The following DNAI3 variants were observed in gnomAD, a reference collection of about 807,000 sequenced individuals.
DNAI3 encodes the protein WD repeat domain 63.
DNAI3 carries 83 observed loss-of-function variants against 115.5 expected under a neutral mutation model. The observed-to-expected ratio is 0.72, with a 90% CI of 0.60 to 0.86. DNAI3 has a LOEUF of 0.86. Ranked by LOEUF, DNAI3 falls within the 40% of genes least tolerant of loss-of-function variation. DNAI3 has a pLI of 0.00. For missense variants in DNAI3, 1,004 were observed against 1,075.8 expected (o/e 0.93, Z 0.93); for synonymous variants, 320 against 347.0 (o/e 0.92, Z 0.86).
At position 85,125,525 on chromosome 1, in the gene DNAI3, T is replaced by C. The variant is rs74789076; in HGVS notation, c.2113-986T>C. Among the ~76,000 whole-genome samples the C allele has an allele frequency of 2.5e-3, 319 of 127,448 alleles. 2 individuals are homozygous for C. In the East Asian group the frequency reaches 0.042, roughly 17 times the overall value. 83.6% of individuals were successfully genotyped at this position (127,448 alleles called of 152,430 possible). A position where few individuals can be genotyped will look rare whatever the true frequency, so the allele number is the denominator to read the frequency against. ...ACTCTGCTTTATGCCAATGTACTTC[T>C]GTATGTTTGATTTTTTTTTTTTTTA... On this transcript the variant is annotated intron_variant, in intron 19 of 22. Transcript: ENST00000294664.
chr1:85,094,701 T>C, intron 10 of DNAI3, 146 bp downstream of exon 10: 1 of 1,001,772 alleles, frequency 1.0e-6, no homozygotes, highest in Non-Finnish European at 1.4e-6. Context: ...GCAGAACTTG[T>C]CATCATTCAA....
intron 12 of DNAI3, 54 bp downstream of exon 12, chr1:85,097,709 G>T (rs1357770390): frequency 1.4e-6 from 2 of 1,480,480 alleles, no homozygotes; most frequent in Non-Finnish European, 9.2e-7. Context: ...AGAGTTTATG[G>T]AAAAGTACAT....
At position 85,104,613 on chromosome 1, in the gene DNAI3, A is replaced by G; in HGVS notation, c.1553+16A>G. The G allele has an allele frequency of 6.2e-7, 1 of 1,610,418 alleles. No individual in the cohort carries two copies. The highest frequency in any genetic ancestry group is 8.5e-7 in the Non-Finnish European group (1 of 1,177,182). The stretch of plus-strand genomic sequence containing the variant: ...CAGCAGATTGGTAAGTCTTGTTTCA[A>G]ACATTTCCTAATGTGTTTTCATACA... On this transcript the variant is annotated intron_variant, in intron 14 of 22. Transcript: ENST00000294664.
At chr1:85,081,958 A>G (rs1654646671) in intron 4 of DNAI3, among the ~76,000 whole-genome samples, 1 of 152,234 alleles carries the variant, frequency 6.6e-6, no homozygotes, top group Non-Finnish European at 1.5e-5. Context: ...AGTTTTAACT[A>G]GAATATGAAT....
In DNAI3 at chr1:85,082,381, G is replaced by T. The variant is rs1654658925; in HGVS notation, c.367G>T (p.Glu123Ter). 6.2e-7 allele frequency: 1 copy of T among 1,613,390 alleles called. No individual in the cohort carries two copies. Among genetic ancestry groups the T allele is most frequent in the African/African-American group, 1.3e-5 (1 of 74,886 alleles). Residue 123 changes from glutamate to a stop codon, truncating the protein, a stop_gained, in exon 5 of 23, where the codon GAG becomes TAG. Coordinates refer to ENST00000294664, the MANE Select transcript of DNAI3 (RefSeq NM_145172.5). LOFTEE classifies it high-confidence loss of function. The part of the protein sequence containing the change: ...GLNFYLIATE[E>*]GKENYLNPPE... The stretch of plus-strand genomic sequence containing the variant: ...TAACTTTTATCTTATTGCAACTGAA[G>T]AGGGCAAAGAAAACTATTTAAATGT...
At position 85,081,419 on chromosome 1, in the gene DNAI3, A is replaced by G; in HGVS notation, c.285+4A>G. 6.4e-7 allele frequency: 1 copy of G among 1,561,212 alleles called. No homozygotes were observed. The highest frequency in any genetic ancestry group is 8.6e-7 in the Non-Finnish European group (1 of 1,162,354). On this transcript the variant is annotated splice_donor_region_variant and intron_variant, in intron 4 of 22. Coordinates refer to ENST00000294664, the MANE Select transcript of DNAI3 (RefSeq NM_145172.5). ...CCCAGTCAAAAAAATTGTCCAGGTA[A>G]GCACAATATCCCTATTTATTTTCAG...
intron 4 of DNAI3, 143 bp downstream of exon 4, chr1:85,081,558 C>A: frequency 1.6e-6 from 1 of 617,002 alleles, no homozygotes; most frequent in Non-Finnish European, 2.6e-6. Flanking sequence ...CCTTGGGAAT[C>A]CTGTTTGATG....
chr1:85,117,349 T>C (rs1378268578), intron 16 of DNAI3, among the ~76,000 whole-genome samples: 2 of 152,240 alleles, frequency 1.3e-5, no homozygotes, highest in Non-Finnish European at 2.9e-5. Context: ...CTTTTCTTTA[T>C]TCTCCAAGGC....
intron 1 of DNAI3, among the ~76,000 whole-genome samples, chr1:85,063,253 A>G (rs1300592873): frequency 6.6e-6 from 1 of 151,892 alleles, no homozygotes; most frequent in African/African-American, 2.4e-5. Context: ...GCTTTGGGGG[A>G]AAAGTTCATA....
chr1:85,097,198 A>G (rs528299761), intron 11 of DNAI3, among the ~76,000 whole-genome samples: 1 of 152,220 alleles, frequency 6.6e-6, no homozygotes, highest in East Asian at 1.9e-4. Flanking sequence ...TTTGTACTCA[A>G]TTCTGGAGTA....
At chr1:85,067,439 A>G (rs560010873) in intron 1 of DNAI3, among the ~76,000 whole-genome samples, 1 of 152,210 alleles carries the variant, frequency 6.6e-6, no homozygotes, top group African/African-American at 2.4e-5. Context: ...GGAAACTCAA[A>G]TTATCTACAG....
intron 4 of DNAI3, among the ~76,000 whole-genome samples, chr1:85,081,645 T>TTTTTGTTTTGTTTTG (rs538598585): frequency 5.9e-4 from 90 of 152,112 alleles, no homozygotes; most frequent in African/African-American, 2.0e-3. Context: ...CCTTGCCCAG[T>TTTTTGTTTTGTTTTG]TTTTGTTTTG....
rs547011823 is a variant in DNAI3 at position 85,086,840 on chromosome 1, C to A, written c.740+810C>A. ...TCTCCATAGAGAAGCCCTGGTAATC[C>A]TATTAAAATGCAAGTCAGATCATGT... On this transcript the variant is annotated intron_variant, in intron 7 of 22. Coordinates refer to ENST00000294664, the MANE Select transcript of DNAI3 (RefSeq NM_145172.5). Among the ~76,000 whole-genome samples the A allele has an allele frequency of 3.5e-3, 526 of 151,958 alleles. 5 individuals carry two copies. Among genetic ancestry groups the A allele is most frequent in the African/African-American group, 0.012 (499 of 41,428 alleles).
At chr1:85,128,110 G>A (rs967205246) in intron 20 of DNAI3, among the ~76,000 whole-genome samples, 25 of 135,470 alleles carry the variant, frequency 1.8e-4, no homozygotes, top group African/African-American at 3.7e-4. Flanking sequence ...GGGCCACAGC[G>A]GGGAGACCCT....
At chr1:85,068,644 T>C (rs985280518) in intron 1 of DNAI3, among the ~76,000 whole-genome samples, 1 of 152,180 alleles carries the variant, frequency 6.6e-6, no homozygotes, top group African/African-American at 2.4e-5. Context: ...GCTCTCCACC[T>C]CATTCAGAGT....
rs778162677 is a variant in DNAI3 at position 85,124,243 on chromosome 1, G to C, written c.2104G>C (p.Gly702Arg). ...GGWNVAIWKE[G>R]VMTGPLLQSC... ...TTGGAACGTGGCCATATGGAAAGAA[G>C]GTGTTATGGTAAGTTGCCTGCAAAA... Residue 702 changes from glycine to arginine, a missense_variant, in exon 19 of 23, where the codon GGT becomes CGT. Gly to Arg is a moderately radical substitution (Grantham distance 125). Around this residue, in one of 3 missense-constraint regions of DNAI3, gnomAD observed 429 missense variants for 454.3 expected, o/e 0.94. Transcript: ENST00000294664. The C allele has an allele frequency of 1.3e-6, 2 of 1,559,002 alleles. No homozygotes were observed. Among genetic ancestry groups the C allele is most frequent in the Non-Finnish European group, 1.7e-6 (2 of 1,154,494 alleles).
At chr1:85,131,461 A>T (rs1009444321) in intron 22 of DNAI3, among the ~76,000 whole-genome samples, 7 of 140,904 alleles carry the variant, frequency 5.0e-5, no homozygotes, top group African/African-American at 1.7e-4. Context: ...AAAAAAAAAA[A>T]AATAAAGCAT....
chr1:85,070,117 C>G (rs564346572), intron 1 of DNAI3, among the ~76,000 whole-genome samples: 4 of 152,148 alleles, frequency 2.6e-5, no homozygotes, highest in African/African-American at 9.6e-5. Flanking sequence ...AAAAATTAGC[C>G]GGGCGTGCTG....
intron 16 of DNAI3, among the ~76,000 whole-genome samples, chr1:85,115,879 C>T (rs1047700782): frequency 6.6e-6 from 1 of 152,206 alleles, no homozygotes; most frequent in Non-Finnish European, 1.5e-5. Context: ...CTGCTTGTCT[C>T]CTGCTGTGCT....
Sources: gnomAD v4.1 joint callset for allele counts (sites outside exome capture counted in the v4.1 genomes callset) on GRCh38, gnomAD v4.1.1 for gene constraint, gnomAD v4.1.1 regional missense constraint, MANE v1.5 for transcripts, NCBI Gene and HGNC (gene_info 2026-07-23, HGNC 2026-07-21) for gene names.